FAT1: variants seen among roughly 807,000 people sequenced by gnomAD.
FAT1 encodes the protein FAT atypical cadherin 1.
FAT1 carries 171 observed loss-of-function variants against 329.8 expected under a neutral mutation model. The ratio of observed to expected loss-of-function variants is 0.52; its 90% CI spans 0.46 to 0.59. FAT1 has a LOEUF of 0.59. Among genes scored for constraint, FAT1 ranks in the 20% least tolerant of loss-of-function variants. FAT1 has a pLI of 0.00. For synonymous variants in FAT1, 2,233 were observed against 2,228.6 expected, an observed-to-expected ratio of 1.00 and a Z score of -0.06; for missense variants, 5,672 against 5,774.4, an observed-to-expected ratio of 0.98 and a Z score of 0.57.
chr4:186,710,777 C>A (rs1198881196), intron 1 of FAT1, among the ~76,000 whole-genome samples: 1 of 152,176 alleles, frequency 6.6e-6, no homozygotes, highest in Non-Finnish European at 1.5e-5. Context: ...ATCTTCTAAG[C>A]TAACACACGT....
In FAT1 at chr4:186,621,701, T is replaced by C; in HGVS notation, c.4885A>G (p.Asn1629Asp). The C allele has an allele frequency of 6.2e-7, 1 of 1,613,614 alleles. No homozygotes were observed. Among genetic ancestry groups the C allele is most frequent in the East Asian group, 2.2e-5 (1 of 44,878 alleles). ...ACCATTAAATCATACTCCGCTTGGT[T>C]ACTTCGATCTAATTCTTTGGCAGTT... The part of the protein sequence containing the change: ...IKTAKELDRS[N>D]QAEYDLMVKA... The change falls in exon 10 of 27, where the codon AAC becomes GAC. Residue 1629 changes from asparagine to aspartate, a missense_variant. Transcript: ENST00000441802.
chr4:186,663,944 A>G (rs542024844), intron 2 of FAT1, among the ~76,000 whole-genome samples: 1 of 152,320 alleles, frequency 6.6e-6, no homozygotes, highest in South Asian at 2.1e-4. Context: ...ATAGGTGAGC[A>G]CTAAGAGATC....
intron 2 of FAT1, among the ~76,000 whole-genome samples, chr4:186,703,620 T>A (rs1221808797): frequency 6.6e-6 from 1 of 152,210 alleles, no homozygotes; most frequent in Non-Finnish European, 1.5e-5. Context: ...AGGCTCATAT[T>A]AATTAGCGCA....
intron 21 of FAT1, among the ~76,000 whole-genome samples, chr4:186,600,803 C>G (rs1560922214): frequency 2.0e-5 from 3 of 152,200 alleles, no homozygotes; most frequent in Admixed American, 2.0e-4. Flanking sequence ...CTCTGCCTCC[C>G]CTGTTCAAGT....
At position 186,619,876 on chromosome 4, in the gene FAT1, T is replaced by C. The variant is rs1220578167; in HGVS notation, c.6710A>G (p.Asn2237Ser). The C allele has an allele frequency of 6.2e-7, 1 of 1,613,992 alleles. No homozygotes were observed. Among genetic ancestry groups the C allele is most frequent in the South Asian group, 1.1e-5 (1 of 91,082 alleles). ...CTCAAAGTCCAGAGGAGCTATGACA[T>C]TGATAACTCCAGTATTGAAGTTAAT... is the stretch of plus-strand genomic sequence containing the variant. ...FTINFNTGVI[N>S]VIAPLDFEAH... The change falls in exon 10 of 27, where the codon AAT becomes AGT. Residue 2237 changes from asparagine to serine, a missense_variant. Coordinates refer to ENST00000441802, the MANE Select transcript of FAT1 (RefSeq NM_005245.4).
chr4:186,673,994 TCAGA>T (rs1742844142), intron 2 of FAT1, among the ~76,000 whole-genome samples: 1 of 152,222 alleles, frequency 6.6e-6, no homozygotes, highest in Non-Finnish European at 1.5e-5. Context: ...AAGACAGCCT[TCAGA>T]AGCATTAAGA....
intron 3 of FAT1, among the ~76,000 whole-genome samples, chr4:186,662,020 C>T (rs1203601344): frequency 2.0e-5 from 3 of 149,580 alleles, no homozygotes; most frequent in Non-Finnish European, 4.5e-5. Flanking sequence ...CCCCGCCCCC[C>T]GGCCAGCCCC....
At chr4:186,662,070 GA>G (rs1742201988) in intron 3 of FAT1, among the ~76,000 whole-genome samples, 1 of 144,142 alleles carries the variant, frequency 6.9e-6, no homozygotes, top group South Asian at 2.2e-4. Context: ...CTGTGATGAT[GA>G]TTGTTGAGGT....
In FAT1 at chr4:186,639,542, G is replaced by A. The variant is rs527539034; in HGVS notation, c.3642+180C>T. ...GGGAATGGTATTGAGGGATAAAGGG[G>A]ACAAGAGCTATATTCATTAACAATT... On this transcript the variant is annotated intron_variant, in intron 4 of 26. Transcript: ENST00000441802. 7.9e-5 allele frequency among the ~76,000 whole-genome samples: 12 copies of A among 152,274 alleles called. No individual in the cohort carries two copies. In the East Asian group the frequency reaches 2.3e-3, roughly 29 times the overall value.
At chr4:186,691,893 T>G (rs968153568) in intron 2 of FAT1, among the ~76,000 whole-genome samples, 3 of 152,184 alleles carry the variant, frequency 2.0e-5, no homozygotes, top group African/African-American at 4.8e-5. Flanking sequence ...CTACAAGCAG[T>G]AAACAATAAA....
At position 186,707,567 on chromosome 4, in the gene FAT1, T is replaced by C. The variant is rs1043084337; in HGVS notation, c.2261A>G (p.Tyr754Cys). The C allele has an allele frequency of 3.1e-6, 5 of 1,614,022 alleles. No homozygotes were observed. The highest frequency in any genetic ancestry group is 4.2e-6 in the Non-Finnish European group (5 of 1,179,898). The change falls in exon 2 of 27, where the codon TAT becomes TGT. Residue 754 changes from tyrosine to cysteine, a missense_variant. By Grantham distance (194) the Tyr-to-Cys change is radical (BLOSUM62 -2). Coordinates refer to ENST00000441802, the MANE Select transcript of FAT1 (RefSeq NM_005245.4). ...LDTGFNGKLV[Y>C]AVSGGNEDSC... ...ATCCTCATTTCCTCCAGAAACAGCATAGACCAGTTTTCCATTGAAGCCAGT... is the reference window on the plus strand; with the variant it reads ...ATCCTCATTTCCTCCAGAAACAGCACAGACCAGTTTTCCATTGAAGCCAGT...
chr4:186,667,471 T>C (rs1175542788), intron 2 of FAT1, among the ~76,000 whole-genome samples: 1 of 152,234 alleles, frequency 6.6e-6, no homozygotes, highest in Non-Finnish European at 1.5e-5. Context: ...CATGAATTCA[T>C]GACTGTGTAC....
chr4:186,634,749 G>A (rs1740752190), intron 6 of FAT1, among the ~76,000 whole-genome samples: 1 of 152,228 alleles, frequency 6.6e-6, no homozygotes, highest in South Asian at 2.1e-4. Context: ...TGCTGTACAG[G>A]TCGGGTCACA....
intron 14 of FAT1, among the ~76,000 whole-genome samples, chr4:186,610,950 C>T (rs951776817): frequency 6.6e-6 from 1 of 151,616 alleles, no homozygotes; most frequent in African/African-American, 2.4e-5. Context: ...ATAACGAAGT[C>T]AACTTAATAT....
intron 9 of FAT1, among the ~76,000 whole-genome samples, chr4:186,623,579 C>T (rs958311335): frequency 2.0e-5 from 3 of 152,206 alleles, no homozygotes; most frequent in African/African-American, 7.2e-5. Flanking sequence ...TTCAAATATG[C>T]AAGGCCTCAT....
At position 186,596,817 on chromosome 4, in the gene FAT1, A is replaced by G; in HGVS notation, c.12723T>C (p.Ile4241=). Residue 4241 remains isoleucine, a synonymous_variant, in exon 25 of 27, where the codon ATT becomes ATC. Coordinates refer to ENST00000441802, the MANE Select transcript of FAT1 (RefSeq NM_005245.4). The surrounding 1 kb of genome is among the most constrained non-coding windows in gnomAD (Gnocchi z 4.7). ...PYFDSKLNKN[I]YSDIPPQVPV... is the part of the protein sequence containing the mutation. The stretch of plus-strand genomic sequence containing the variant: ...GCACCTGGGGTGGTATGTCTGAGTA[A>G]ATGTTCTTATTTAGCTTGGAATCAA... 6.2e-7 allele frequency: 1 copy of G among 1,613,940 alleles called. No individual in the cohort carries two copies. Among genetic ancestry groups the G allele is most frequent in the Non-Finnish European group, 8.5e-7 (1 of 1,179,880 alleles).
chr4:186,698,237 C>T (rs958386627), intron 2 of FAT1, among the ~76,000 whole-genome samples: 5 of 152,144 alleles, frequency 3.3e-5, no homozygotes, highest in African/African-American at 4.8e-5. Flanking sequence ...AGACAGGCCG[C>T]GCACTGAGTC....
intron 1 of FAT1, among the ~76,000 whole-genome samples, chr4:186,717,699 T>C (rs1371407684): frequency 6.6e-6 from 1 of 152,202 alleles, no homozygotes; most frequent in East Asian, 1.9e-4. Flanking sequence ...ATAAAACATG[T>C]CTGTTGGCAT....
chr4:186,594,656 ATATATATATATACTTGAAAG>A (rs1304719533), intron 26 of FAT1, among the ~76,000 whole-genome samples: 1 of 116,824 alleles, frequency 8.6e-6, no homozygotes, highest in Non-Finnish European at 1.7e-5. Context: ...TAGAGTGTGT[ATATATATATATACTTGAAAG>A]TATATATATA....
Sources: gnomAD v4.1 joint callset for allele counts (sites outside exome capture counted in the v4.1 genomes callset) on GRCh38, gnomAD v4.1.1 for gene constraint, Gnocchi (gnomAD v3.1) non-coding constraint, MANE v1.5 for transcripts, NCBI Gene and HGNC (gene_info 2026-07-23, HGNC 2026-07-21) for gene names.